TCF7L1: variants seen among roughly 807,000 people sequenced by gnomAD.
The protein encoded by TCF7L1 is transcription factor 7 like 1.
In TCF7L1, 18 loss-of-function variants were observed where a neutral mutation model predicts 63.7. That is an observed-to-expected ratio of 0.28 (90% CI 0.20 to 0.42). TCF7L1 has a LOEUF of 0.42. TCF7L1 is among the 10% of genes least tolerant of loss of function. The pLI, the probability that TCF7L1 is intolerant of heterozygous loss-of-function variation, is 1.00. For synonymous variants in TCF7L1, 355 were observed against 340.9 expected (o/e 1.04, Z -0.46); for missense variants, 654 against 779.3 (o/e 0.84, Z 1.91).
intron 6 of TCF7L1, 43 bp from the exon 7 acceptor site, chr2:85,304,212 T>A (rs753168140): frequency 1.3e-6 from 2 of 1,509,262 alleles, no homozygotes; most frequent in Non-Finnish European, 9.2e-7. Context: ...TCCTCTGCCC[T>A]GAGCTTTCCC....
intron 4 of TCF7L1, among the ~76,000 whole-genome samples, chr2:85,292,736 C>T (rs994545498): frequency 6.6e-5 from 10 of 152,144 alleles, no homozygotes; most frequent in African/African-American, 2.4e-4. Flanking sequence ...ACCATCATGC[C>T]CAGCTAATTT....
At chr2:85,224,768 T>A (rs1679921134) in intron 3 of TCF7L1, among the ~76,000 whole-genome samples, 1 of 152,234 alleles carries the variant, frequency 6.6e-6, no homozygotes. Context: ...TCTTTTGCTG[T>A]GCAGAAGCTC....
chr2:85,261,166 G>A (rs1680850095), intron 3 of TCF7L1, among the ~76,000 whole-genome samples: 1 of 148,704 alleles, frequency 6.7e-6, no homozygotes, highest in Non-Finnish European at 1.5e-5. Flanking sequence ...GTGTGTGTGT[G>A]TGTGTGGTAT....
chr2:85,290,017 G>A (rs1200439773), intron 4 of TCF7L1, among the ~76,000 whole-genome samples: 4 of 138,688 alleles, frequency 2.9e-5, no homozygotes, highest in Admixed American at 7.7e-5. Context: ...TCACTATGTC[G>A]CCCAGGCTGG....
At chr2:85,220,989 A>C (rs975070825) in intron 3 of TCF7L1, among the ~76,000 whole-genome samples, 4 of 152,226 alleles carry the variant, frequency 2.6e-5, no homozygotes, top group Non-Finnish European at 5.9e-5. Flanking sequence ...ATATATTGTT[A>C]TACAAGAAAG....
chr2:85,236,602 G>A (rs1028560600), intron 3 of TCF7L1, among the ~76,000 whole-genome samples: 1 of 152,140 alleles, frequency 6.6e-6, no homozygotes, highest in Non-Finnish European at 1.5e-5. Context: ...CATCCCATAA[G>A]GTAAGTCAGG....
chr2:85,222,214 G>A (rs1355278554), intron 3 of TCF7L1, among the ~76,000 whole-genome samples: 6 of 152,012 alleles, frequency 3.9e-5, no homozygotes, highest in African/African-American at 7.2e-5. Context: ...GGTGGCGCAC[G>A]CCTGTAATCC....
At chr2:85,297,787 A>T (rs79440006) in intron 4 of TCF7L1, among the ~76,000 whole-genome samples, 2 of 151,712 alleles carry the variant, frequency 1.3e-5, no homozygotes, top group Non-Finnish European at 1.5e-5. Context: ...CTGTGTCTCC[A>T]AAAAAAAGTC....
At chr2:85,174,048 A>G (rs1168617277) in intron 3 of TCF7L1, among the ~76,000 whole-genome samples, 12 of 152,164 alleles carry the variant, frequency 7.9e-5, no homozygotes, top group Admixed American at 7.9e-4. Flanking sequence ...ATTCATTCTT[A>G]TAAAGGGTAC....
intron 4 of TCF7L1, among the ~76,000 whole-genome samples, chr2:85,300,556 C>T (rs991646613): frequency 3.3e-5 from 5 of 152,050 alleles, no homozygotes. Flanking sequence ...TTTAATTCTC[C>T]GCCTCTCCTC....
At chr2:85,227,915 C>T (rs1679992599) in intron 3 of TCF7L1, among the ~76,000 whole-genome samples, 1 of 149,764 alleles carries the variant, frequency 6.7e-6, no homozygotes, top group Admixed American at 6.7e-5. Context: ...TTGCTTGAAC[C>T]CAGGAGTTTA....
chr2:85,299,363 A>C (rs1272149930), intron 4 of TCF7L1, among the ~76,000 whole-genome samples: 1 of 151,906 alleles, frequency 6.6e-6, no homozygotes, highest in African/African-American at 2.4e-5. Flanking sequence ...CAGCCTGGCC[A>C]ACATGGTGAA....
At chr2:85,176,901 C>T (rs148134106) in intron 3 of TCF7L1, among the ~76,000 whole-genome samples, 1,934 of 150,000 alleles carry the variant, frequency 0.013, 22 homozygotes, top group Non-Finnish European at 0.018. Flanking sequence ...GCAGGAGAAT[C>T]GCTTAAACCC....
chr2:85,159,335 C>G (rs1678227482), intron 3 of TCF7L1, among the ~76,000 whole-genome samples: 1 of 152,174 alleles, frequency 6.6e-6, no homozygotes, highest in South Asian at 2.1e-4. Context: ...GGAACCTGGT[C>G]TCCTGCTCAG....
intron 3 of TCF7L1, among the ~76,000 whole-genome samples, chr2:85,200,469 G>T (rs889542006): frequency 6.6e-6 from 1 of 152,138 alleles, no homozygotes; most frequent in Non-Finnish European, 1.5e-5. Flanking sequence ...AAACCATAAG[G>T]AAGAGAAAAT....
chr2:85,272,368 A>G (rs1241985903), intron 3 of TCF7L1, among the ~76,000 whole-genome samples: 1 of 152,226 alleles, frequency 6.6e-6, no homozygotes, highest in Non-Finnish European at 1.5e-5. Context: ...GAAGAAAAAT[A>G]TGAAAAAGGA....
chr2:85,135,105 A>G (rs1677560080), intron 3 of TCF7L1, among the ~76,000 whole-genome samples: 1 of 151,952 alleles, frequency 6.6e-6, no homozygotes, highest in South Asian at 2.1e-4. Context: ...GACACTTTAA[A>G]CCTGTTAATG....
chr2:85,135,826 C>T (rs1357914204), intron 3 of TCF7L1, among the ~76,000 whole-genome samples: 1 of 151,652 alleles, frequency 6.6e-6, no homozygotes, highest in Non-Finnish European at 1.5e-5. Flanking sequence ...CCTGGAGCAC[C>T]CCAGGAAGTC....
At chr2:85,300,684 G>A (rs1681950252) in intron 4 of TCF7L1, among the ~76,000 whole-genome samples, 1 of 152,048 alleles carries the variant, frequency 6.6e-6, no homozygotes, top group African/African-American at 2.4e-5. Flanking sequence ...AGGAAAGAAA[G>A]GTCTCATGGA....
Sources: allele counts gnomAD v4.1 joint callset (sites outside exome capture counted in the v4.1 genomes callset), GRCh38; gene constraint gnomAD v4.1.1; transcripts MANE v1.5; gene names NCBI Gene and HGNC (gene_info 2026-07-23, HGNC 2026-07-21).